AK8: variants seen among roughly 807,000 people sequenced by gnomAD.
The protein encoded by AK8 is adenylate kinase 8.
Under a neutral mutation model 54.6 loss-of-function variants are expected in AK8, and 44 were observed. That is an observed-to-expected ratio of 0.81 (90% CI 0.63 to 1.04). The LOEUF is 1.04. AK8 is among the 50% of genes least tolerant of loss of function. The pLI is 0.00. For missense variants in AK8, 555 were observed against 613.6 expected (o/e 0.90, Z 1.01); for synonymous variants, 239 against 245.6 (o/e 0.97, Z 0.25).
At position 132,792,752 on chromosome 9, in the gene AK8, C is replaced by T. The variant is rs1839998058; in HGVS notation, c.1003G>A (p.Val335Met). 2 of 1,560,588 alleles carry T rather than the reference C, an allele frequency of 1.3e-6. No individual in the cohort carries two copies. The highest frequency in any genetic ancestry group is 1.7e-6 in the Non-Finnish European group (2 of 1,152,444). ...TGCTGGTCCAGGCGCTGGCTCAGCA[C>T]CTTCATGAGGAGGCTGTCAGGAACT... is the stretch of plus-strand genomic sequence containing the variant. The part of the protein sequence containing the change: ...MAVPDSLLMK[V>M]LSQRLDQQDC... The change falls in exon 11 of 13, where the codon GTG (valine) becomes ATG (methionine). Residue 335 changes from valine (V) to methionine (M), a missense_variant. Physicochemically the swap from Val to Met is conservative, Grantham distance 21. Coordinates refer to ENST00000298545, the MANE Select transcript of AK8 (RefSeq NM_152572.3).
intron 11 of AK8, among the ~76,000 whole-genome samples, chr9:132,759,689 A>G (rs933775310): frequency 1.3e-5 from 2 of 152,214 alleles, no homozygotes; most frequent in African/African-American, 4.8e-5. Context: ...CATTTATTGG[A>G]AAGTCCATCT....
At chr9:132,831,894 C>A (rs951027779) in intron 5 of AK8, among the ~76,000 whole-genome samples, 1 of 151,456 alleles carries the variant, frequency 6.6e-6, no homozygotes, top group Non-Finnish European at 1.5e-5. Context: ...CCCACTCTAC[C>A]GAAAAAGATT....
chr9:132,799,984 GT>G lies in AK8; in HGVS notation c.980-7210del, dbSNP rs1361275562. Reference sequence around the variant, plus strand: ...GGAATCTTACAAAAGGAACAGGACTGTGGAGGAGGAAAAGGGGTTGCTTTTG... The same window carrying G: ...GGAATCTTACAAAAGGAACAGGACTGGGAGGAGGAAAAGGGGTTGCTTTTG... On this transcript the variant is annotated intron_variant, in intron 10 of 12. Coordinates refer to ENST00000298545, the MANE Select transcript of AK8 (RefSeq NM_152572.3). This position sits in a 1 kb window ranked among gnomAD's most constrained non-coding sequence, Gnocchi z 5.0. Among the ~76,000 whole-genome samples, 3 of 152,216 alleles carry G rather than the reference GT, an allele frequency of 2.0e-5. No individual in the cohort carries two copies. Among genetic ancestry groups the G allele is most frequent in the African/African-American group, 7.2e-5 (3 of 41,458 alleles).
Position 132,791,247 on chromosome 9 carries a change from G to T in AK8, c.1121+1387C>A, listed in dbSNP as rs1039060884. ...GAGAGAGACAGAGAGAGAGCAAAGGGGGAGGTGCCACACTTTAAAACCATC... is the reference window on the plus strand; with the variant it reads ...GAGAGAGACAGAGAGAGAGCAAAGGTGGAGGTGCCACACTTTAAAACCATC... On this transcript the variant is annotated intron_variant, in intron 11 of 12. Coordinates refer to ENST00000298545, the MANE Select transcript of AK8 (RefSeq NM_152572.3). This position sits in a 1 kb window ranked among gnomAD's most constrained non-coding sequence, Gnocchi z 4.0. Among the ~76,000 whole-genome samples the T allele has an allele frequency of 6.6e-6, 1 of 152,122 alleles. No individual in the cohort carries two copies. Among genetic ancestry groups the T allele is most frequent in the African/African-American group, 2.4e-5 (1 of 41,424 alleles).
chr9:132,810,817 A>G (rs931590778), intron 10 of AK8, among the ~76,000 whole-genome samples: 2 of 152,226 alleles, frequency 1.3e-5, no homozygotes, highest in African/African-American at 4.8e-5. Context: ...TTTCCAAGCA[A>G]TTGCTAAAAC....
At chr9:132,821,871 G>A (rs2131287750) in intron 9 of AK8, among the ~76,000 whole-genome samples, 1 of 22,300 alleles carries the variant, frequency 4.5e-5, no homozygotes, top group South Asian at 1.7e-3. Context: ...ATATGTGTAT[G>A]TATATACAAA....
chr9:132,809,058 C>T (rs979113162), intron 10 of AK8, among the ~76,000 whole-genome samples: 1 of 152,200 alleles, frequency 6.6e-6, no homozygotes, highest in Non-Finnish European at 1.5e-5. Flanking sequence ...CATGTCTTTA[C>T]AATAATCTCA....
At chr9:132,877,952 C>A in intron 1 of AK8, 1 of 1,218,272 alleles carries the variant, frequency 8.2e-7, no homozygotes, top group East Asian at 2.6e-5. Context: ...CCCTTCCTCC[C>A]CCTGGGTCCG....
intron 11 of AK8, among the ~76,000 whole-genome samples, chr9:132,776,291 G>T (rs1050674994): frequency 6.6e-6 from 1 of 152,180 alleles, no homozygotes; most frequent in African/African-American, 2.4e-5. Flanking sequence ...CTTCTTAACT[G>T]CAGGCCGGAT....
At chr9:132,834,523 C>T (rs933447537) in intron 5 of AK8, among the ~76,000 whole-genome samples, 4 of 152,170 alleles carry the variant, frequency 2.6e-5, no homozygotes, top group Non-Finnish European at 4.4e-5. Context: ...GAACACGGAA[C>T]GTTAGTATTC....
At chr9:132,869,714 A>C (rs935819390) in intron 2 of AK8, among the ~76,000 whole-genome samples, 1 of 152,232 alleles carries the variant, frequency 6.6e-6, no homozygotes, top group Non-Finnish European at 1.5e-5. Flanking sequence ...TGCTTGCAGG[A>C]CAAGTATGGA....
At chr9:132,769,688 T>C (rs548131811) in intron 11 of AK8, 10 of 152,302 alleles carry the variant, frequency 6.6e-5, no homozygotes, top group African/African-American at 2.2e-4. Flanking sequence ...CTCCCATCTC[T>C]CATTTCTCAA....
rs149546821 is a variant in AK8 at position 132,827,900 on chromosome 9, G to C, written c.556+113C>G. 8.2e-5 allele frequency: 86 copies of C among 1,044,824 alleles called. 2 individuals carry two copies. The East Asian group carries it at 2.3e-3, about 28-fold the overall frequency. The allele number at this position is 1,044,824 out of a possible 1,614,324, so 64.7% of individuals were successfully genotyped here. ...CCCAGCCTGTGGCAGCCTTCCTCGT[G>C]TCCCTCTGTGGGTGCCCAGAGCAGA... On this transcript the variant is annotated intron_variant, in intron 7 of 12. Transcript: ENST00000298545.
intron 11 of AK8, among the ~76,000 whole-genome samples, chr9:132,777,096 G>A (rs1014698301): frequency 8.5e-5 from 13 of 152,050 alleles, no homozygotes; most frequent in Non-Finnish European, 1.5e-4. Context: ...ACTCTACCCC[G>A]CAAAGCCAGC....
chr9:132,827,121 G>A, intron 7 of AK8, 67 bp from the exon 8 acceptor site: 1 of 1,534,648 alleles, frequency 6.5e-7, no homozygotes, highest in South Asian at 1.1e-5. Context: ...GCTGTGCCTG[G>A]CTGGGGTGCT....
chr9:132,740,965 G>A (rs539772177), intron 11 of AK8, among the ~76,000 whole-genome samples: 8 of 152,280 alleles, frequency 5.3e-5, no homozygotes, highest in East Asian at 1.9e-4. Flanking sequence ...GTGGGCCTGG[G>A]GGTCCTATCC....
chr9:132,818,843 G>A (rs550419199), intron 9 of AK8, among the ~76,000 whole-genome samples: 6 of 150,702 alleles, frequency 4.0e-5, no homozygotes, highest in Admixed American at 6.6e-5. Flanking sequence ...GCAAGACCCC[G>A]TCTCTTAAAA....
chr9:132,733,347 C>T (rs537583751), intron 11 of AK8, among the ~76,000 whole-genome samples: 13 of 152,196 alleles, frequency 8.5e-5, no homozygotes, highest in East Asian at 5.8e-4. Flanking sequence ...CAAGGCCCAA[C>T]GGCAACACCA....
At chr9:132,761,640 T>C (rs967229787) in intron 11 of AK8, among the ~76,000 whole-genome samples, 5 of 152,206 alleles carry the variant, frequency 3.3e-5, no homozygotes, top group Admixed American at 6.5e-5. Flanking sequence ...TCCAAATGTA[T>C]TGCCATAAAG....
Sources: allele counts gnomAD v4.1 joint callset (sites outside exome capture counted in the v4.1 genomes callset), GRCh38; gene constraint gnomAD v4.1.1; non-coding constraint Gnocchi (gnomAD v3.1); transcripts MANE v1.5; gene names NCBI Gene and HGNC (gene_info 2026-07-23, HGNC 2026-07-21).